Variants in KCNN2 observed in about 807,000 individuals in gnomAD.
KCNN2 encodes the protein small conductance calcium-activated potassium channel protein 2.
KCNN2 carries 24 observed loss-of-function variants against 55.5 expected under a neutral mutation model. The observed-to-expected ratio is 0.43, with a 90% CI of 0.31 to 0.61. KCNN2 has a LOEUF of 0.61. KCNN2 is among the 20% of genes least tolerant of loss of function. The probability of loss-of-function intolerance (pLI) is 0.08; values close to 1 mark genes in which losing one functional copy is unlikely to be tolerated. For missense variants in KCNN2, 754 were observed against 853.6 expected, an observed-to-expected ratio of 0.88 and a Z score of 1.45; for synonymous variants, 431 against 336.1, an observed-to-expected ratio of 1.28 and a Z score of -3.09.
intron 3 of KCNN2, among the ~76,000 whole-genome samples, chr5:114,429,777 T>G (rs1189728885): frequency 6.6e-6 from 1 of 151,264 alleles, no homozygotes; most frequent in East Asian, 1.9e-4. Context: ...GTTTTGGGGG[T>G]TTTTTTGTGG....
At chr5:114,443,447 T>C (rs558877041) in intron 3 of KCNN2, among the ~76,000 whole-genome samples, 2 of 152,326 alleles carry the variant, frequency 1.3e-5, no homozygotes, top group East Asian at 1.9e-4. Flanking sequence ...ATTGTTCTCA[T>C]GTAGAAAGAA....
intron 1 of KCNN2, among the ~76,000 whole-genome samples, chr5:114,118,122 C>A (rs1409295428): frequency 6.6e-6 from 1 of 152,096 alleles, no homozygotes; most frequent in Non-Finnish European, 1.5e-5. Flanking sequence ...TAAAGCTGTA[C>A]AAAGAAGGGT....
intron 5 of KCNN2, among the ~76,000 whole-genome samples, chr5:114,481,747 T>C (rs1762239778): frequency 6.6e-6 from 1 of 152,098 alleles, no homozygotes; most frequent in Non-Finnish European, 1.5e-5. Flanking sequence ...ACAACCATCA[T>C]GATCTTCAAC....
chr5:114,224,873 C>G (rs1754209820), intron 2 of KCNN2, among the ~76,000 whole-genome samples: 1 of 151,968 alleles, frequency 6.6e-6, no homozygotes, highest in Non-Finnish European at 1.5e-5. Context: ...TGTCTTTCGC[C>G]CATTTTTTGA....
chr5:114,330,081 G>A (rs1172632844), intron 2 of KCNN2, among the ~76,000 whole-genome samples: 1 of 152,198 alleles, frequency 6.6e-6, no homozygotes, highest in Non-Finnish European at 1.5e-5. Context: ...AGAATGTGTT[G>A]AAATAGCCCA....
At chr5:114,367,609 GGTCAAA>G (rs1757638970) in intron 2 of KCNN2, among the ~76,000 whole-genome samples, 1 of 151,668 alleles carries the variant, frequency 6.6e-6, no homozygotes, top group Non-Finnish European at 1.5e-5. Flanking sequence ...CAAGTCTCAA[GGTCAAA>G]TTATAGGTAA....
rs150840401 is a variant in KCNN2 at position 114,086,014 on chromosome 5, A to C, written c.-271+29514A>C. Among the ~76,000 whole-genome samples, 5 of 152,244 alleles carry C rather than the reference A, an allele frequency of 3.3e-5. No homozygotes were observed. The East Asian group carries it at 9.6e-4, about 29-fold the overall frequency. ...TCCCTGCTAATATGGTTAGTCCTAA[A>C]GTCTATTTTGTCTGATATTAGTATA... On this transcript the variant is annotated intron_variant, in intron 1 of 10. Transcript: ENST00000512097.
intron 2 of KCNN2, among the ~76,000 whole-genome samples, chr5:114,373,175 A>G (rs1431953539): frequency 5.3e-5 from 8 of 152,096 alleles, no homozygotes; most frequent in African/African-American, 1.4e-4. Context: ...CCAGTGTGCC[A>G]GGTTCATTGA....
At chr5:114,421,286 A>T (rs1427088285) in intron 3 of KCNN2, among the ~76,000 whole-genome samples, 2 of 151,242 alleles carry the variant, frequency 1.3e-5, no homozygotes, top group East Asian at 1.9e-4. Context: ...TTAATTAATT[A>T]ATTTTATTTT....
At chr5:114,291,334 C>G (rs1301379999) in intron 2 of KCNN2, among the ~76,000 whole-genome samples, 2 of 152,040 alleles carry the variant, frequency 1.3e-5, no homozygotes, top group Non-Finnish European at 2.9e-5. Flanking sequence ...TGCTATCCCT[C>G]CCCCCTCTCC....
At chr5:114,129,320 T>A (rs1039873868) in intron 1 of KCNN2, among the ~76,000 whole-genome samples, 1 of 152,298 alleles carries the variant, frequency 6.6e-6, no homozygotes, top group Non-Finnish European at 1.5e-5. Flanking sequence ...AGTCTTCTGT[T>A]TGAAACCCAA....
intron 1 of KCNN2, among the ~76,000 whole-genome samples, chr5:114,143,661 T>G (rs1752336225): frequency 6.6e-6 from 1 of 152,198 alleles, no homozygotes; most frequent in African/African-American, 2.4e-5. Context: ...TGCACGTCCA[T>G]TCATAGGCTT....
intron 1 of KCNN2, among the ~76,000 whole-genome samples, chr5:114,125,216 A>G (rs1268278035): frequency 6.6e-6 from 1 of 152,230 alleles, no homozygotes; most frequent in East Asian, 1.9e-4. Context: ...GTGTTAGACT[A>G]AAAGTTAAAC....
intron 1 of KCNN2, among the ~76,000 whole-genome samples, chr5:114,164,965 A>G (rs142573435): frequency 0.031 from 4,707 of 152,292 alleles, 254 homozygotes; most frequent in African/African-American, 0.11. Context: ...CCTATAAGGA[A>G]GGCACTATTG....
intron 1 of KCNN2, among the ~76,000 whole-genome samples, chr5:114,101,731 A>C (rs2112570022): frequency 6.6e-6 from 1 of 152,214 alleles, no homozygotes; most frequent in East Asian, 1.9e-4. Flanking sequence ...GATGGTTTCC[A>C]GCTTCATCTA....
At chr5:114,322,610 C>T (rs993863782) in intron 2 of KCNN2, among the ~76,000 whole-genome samples, 5 of 151,020 alleles carry the variant, frequency 3.3e-5, no homozygotes, top group African/African-American at 1.2e-4. Flanking sequence ...CACACATACA[C>T]ACTTGATTCC....
rs905280808 is a variant in KCNN2 at position 114,238,129 on chromosome 5, T to C, written c.-185+16564T>C. 2.0e-5 allele frequency among the ~76,000 whole-genome samples: 3 copies of C among 152,184 alleles called. No individual in the cohort carries two copies. The South Asian group carries it at 6.2e-4, about 32-fold the overall frequency. On this transcript the variant is annotated intron_variant, in intron 2 of 10. Transcript: ENST00000512097. ...CCAAGTGCAGGAAACATAATTCACA[T>C]GCAGAAGGGCAGAGTGATCACAGTA...
intron 3 of KCNN2, among the ~76,000 whole-genome samples, chr5:114,420,973 A>C (rs977753189): frequency 4.6e-5 from 7 of 152,070 alleles, no homozygotes; most frequent in Non-Finnish European, 1.0e-4. Flanking sequence ...TTTCATATTT[A>C]AGACAGTTTG....
intron 3 of KCNN2, among the ~76,000 whole-genome samples, chr5:114,457,094 C>G (rs534428371): frequency 3.3e-5 from 5 of 152,250 alleles, no homozygotes; most frequent in African/African-American, 1.2e-4. Context: ...TATCATATAG[C>G]ATCATATGCT....
Sources: allele counts gnomAD v4.1 joint callset (sites outside exome capture counted in the v4.1 genomes callset), GRCh38; gene constraint gnomAD v4.1.1; transcripts MANE v1.5; gene names NCBI Gene and HGNC (gene_info 2026-07-23, HGNC 2026-07-21).